The following CACNA1H variants were observed in gnomAD, a reference collection of about 807,000 sequenced individuals.
CACNA1H encodes calcium voltage-gated channel subunit alpha1 H, also known as voltage-dependent T-type calcium channel subunit alpha-1H.
In CACNA1H, 149 loss-of-function variants were observed where a neutral mutation model predicts 192.5. That is an observed-to-expected ratio of 0.77 (90% CI 0.68 to 0.89). The LOEUF (loss-of-function observed/expected upper bound fraction) is 0.89. Ranked by LOEUF, CACNA1H falls within the 40% of genes least tolerant of loss-of-function variation. The pLI is 0.00. For missense variants in CACNA1H, 4,257 were observed against 3,423.5 expected, an observed-to-expected ratio of 1.24 and a Z score of -6.08; for synonymous variants, 2,202 against 1,475.2, an observed-to-expected ratio of 1.49 and a Z score of -11.29.
intron 2 of CACNA1H, among the ~76,000 whole-genome samples, chr16:1,179,283 G>A (rs1454348580): frequency 6.6e-6 from 1 of 152,184 alleles, no homozygotes; most frequent in African/African-American, 2.4e-5. Flanking sequence ...TGGGTAGGGT[G>A]AGTTGGGGGT....
At chr16:1,200,849 G>T in intron 8 of CACNA1H, 41 bp downstream of exon 8, 2 of 1,458,564 alleles carry the variant, frequency 1.4e-6, no homozygotes, top group Middle Eastern at 1.7e-4. Flanking sequence ...GGGCCCTGGT[G>T]TTAGCTGGCT....
chr16:1,203,466 G>A (rs118020509), intron 9 of CACNA1H, among the ~76,000 whole-genome samples: 10,964 of 152,270 alleles, frequency 0.072, 549 homozygotes, highest in Middle Eastern at 0.14. Context: ...GCCCCAGTAC[G>A]TGAGCAGGAA....
chr16:1,207,173 G>A, intron 13 of CACNA1H, 55 bp downstream of exon 13: 1 of 1,549,438 alleles, frequency 6.5e-7, no homozygotes, highest in Non-Finnish European at 8.8e-7. Context: ...TCCCCAGAGA[G>A]GTGGAGGTGC....
Position 1,210,570 on chromosome 16 carries a change from C to G in CACNA1H, c.3970-13C>G, listed in dbSNP as rs550530096. The G allele has an allele frequency of 1.9e-6, 3 of 1,609,846 alleles. No individual in the cohort carries two copies. The highest frequency in any genetic ancestry group is 2.7e-5 in the African/African-American group (2 of 75,052). Reference sequence around the variant, plus strand: ...TGGAGTGGACACAGCCCCCCACCGTCCTCTCCCGGCAGGAGCGGGTCTTCC... The same window carrying G: ...TGGAGTGGACACAGCCCCCCACCGTGCTCTCCCGGCAGGAGCGGGTCTTCC... On this transcript the variant is annotated splice_polypyrimidine_tract_variant and intron_variant, in intron 19 of 34. Coordinates refer to ENST00000348261, the MANE Select transcript of CACNA1H (RefSeq NM_021098.3).
rs1304766813 is a variant in CACNA1H at position 1,195,442 on chromosome 16, C to T, written c.422C>T (p.Ala141Val). The T allele has an allele frequency of 7.1e-6, 11 of 1,555,190 alleles. No homozygotes were observed. The South Asian group carries it at 1.2e-4, about 17-fold the overall frequency. ...TGCCTCCTCCCGCAGGCCTTTGACGCCTTCATTTTCGCCTTTTTTGCGGTG... is the reference window on the plus strand; with the variant it reads ...TGCCTCCTCCCGCAGGCCTTTGACGTCTTCATTTTCGCCTTTTTTGCGGTG... ...ERCNILEAFDAFIFAFFAVEM... is the reference protein window; with the variant it reads ...ERCNILEAFDVFIFAFFAVEM... The change falls in exon 4 of 35, where the codon GCC becomes GTC. Residue 141 changes from alanine to valine, a missense_variant. Coordinates refer to ENST00000348261, the MANE Select transcript of CACNA1H (RefSeq NM_021098.3).
At chr16:1,205,938 G>T (rs1020397029) in intron 11 of CACNA1H, among the ~76,000 whole-genome samples, 166 bp from the exon 12 acceptor site, 3 of 152,214 alleles carry the variant, frequency 2.0e-5, no homozygotes, top group Non-Finnish European at 4.4e-5. Context: ...CTTTTGAGGT[G>T]CTTCCGCAGC....
At chr16:1,158,074 C>T (rs1055974111) in intron 2 of CACNA1H, 5 of 152,414 alleles carry the variant, frequency 3.3e-5, no homozygotes, top group Admixed American at 3.3e-4. Context: ...TCTCTGAAGC[C>T]ACCGACTGGC....
chr16:1,181,291 C>A (rs1465047416), intron 2 of CACNA1H, among the ~76,000 whole-genome samples: 1 of 152,260 alleles, frequency 6.6e-6, no homozygotes, highest in Non-Finnish European at 1.5e-5. Context: ...CATGGCCGGC[C>A]CCTCCACCTC....
chr16:1,197,781 C>A (rs568930968), intron 5 of CACNA1H, among the ~76,000 whole-genome samples: 1 of 152,306 alleles, frequency 6.6e-6, no homozygotes, highest in Non-Finnish European at 1.5e-5. Flanking sequence ...ACTCAGCGTC[C>A]CCAGGTTCCT....
At chr16:1,199,922 CTGTT>C (rs1029206428) in intron 6 of CACNA1H, among the ~76,000 whole-genome samples, 1 of 152,100 alleles carries the variant, frequency 6.6e-6, no homozygotes, top group African/African-American at 2.4e-5. Context: ...GTCTCCCTCC[CTGTT>C]TGTCTGTGCT....
chr16:1,167,618 T>C lies in CACNA1H; in HGVS notation c.299+13582T>C, dbSNP rs996730681. The stretch of plus-strand genomic sequence containing the variant: ...AATGGGGTTGCCGTGGCAACGCCTG[T>C]CACTAATCCCCAGCTGCTCCTGGTT... On this transcript the variant is annotated intron_variant, in intron 2 of 34. Transcript: ENST00000348261. This position sits in a 1 kb window ranked among gnomAD's most constrained non-coding sequence, Gnocchi z 4.2. Among the ~76,000 whole-genome samples, 7 of 152,194 alleles carry C rather than the reference T, an allele frequency of 4.6e-5. No individual in the cohort carries two copies. The highest frequency in any genetic ancestry group is 8.8e-5 in the Non-Finnish European group (6 of 68,022).
rs1385127432 is a variant in CACNA1H, at chr16:1,218,973, C to T, written c.5891C>T (p.Ser1964Phe). The T allele has an allele frequency of 3.2e-6, 5 of 1,550,106 alleles. 1 individual carries two copies. In the Admixed American group the frequency reaches 5.9e-5, roughly 18 times the overall value. Residue 1964 changes from serine to phenylalanine, a missense_variant, in exon 34 of 35, where the codon TCC becomes TTC. By Grantham distance (155) the Ser-to-Phe change is radical. Transcript: ENST00000348261. ...CTTAGATTCTTCCCTGCCCCAGGCT[C>T]CGTTGCCTCTGTGCACTCTCCGCCC... is the stretch of plus-strand genomic sequence containing the variant. Reference protein sequence around the residue: ...ETYGAGTPLGSVASVHSPPAE... With the variant: ...ETYGAGTPLGFVASVHSPPAE...
intron 3 of CACNA1H, 135 bp from the exon 4 acceptor site, chr16:1,195,297 C>G: frequency 1.2e-6 from 1 of 862,044 alleles, no homozygotes; most frequent in Non-Finnish European, 1.5e-6. Context: ...GGCTCAGTTC[C>G]TGGGGCTCAG....
intron 2 of CACNA1H, among the ~76,000 whole-genome samples, chr16:1,164,073 AGGCCGGCACAGGTGTGGG>A (rs1449787246): frequency 6.6e-6 from 1 of 152,150 alleles, no homozygotes; most frequent in African/African-American, 2.4e-5. Flanking sequence ...CCGGGTATGG[AGGCCGGCACAGGTGTGGG>A]GGCACTTTTG....
chr16:1,208,881 C>T (rs958677820), intron 16 of CACNA1H, 151 bp from the exon 17 acceptor site: 4 of 808,528 alleles, frequency 4.9e-6, no homozygotes, highest in Non-Finnish European at 7.1e-6. Flanking sequence ...GGCTCGGTGT[C>T]CCCCTAAAAT....
intron 2 of CACNA1H, among the ~76,000 whole-genome samples, chr16:1,184,629 A>G (rs117134922): frequency 0.028 from 4,275 of 152,294 alleles, 81 homozygotes; most frequent in Non-Finnish European, 0.044. Flanking sequence ...GGGTGCCAGG[A>G]GTTGTCACGT....
chr16:1,193,081 C>T (rs1367568919), intron 2 of CACNA1H, among the ~76,000 whole-genome samples: 1 of 152,138 alleles, frequency 6.6e-6, no homozygotes, highest in Admixed American at 6.5e-5. Context: ...GCCGTGGGGG[C>T]TCAGGTCAGG....
At chr16:1,162,492 G>A (rs1386677809) in intron 2 of CACNA1H, among the ~76,000 whole-genome samples, 2 of 152,206 alleles carry the variant, frequency 1.3e-5, no homozygotes, top group Non-Finnish European at 2.9e-5. Context: ...CTCCTCCGAT[G>A]AGGAGCAGCC....
In CACNA1H at chr16:1,220,922, G is replaced by C; in HGVS notation, c.6990G>C (p.Gln2330His). 6.2e-7 allele frequency: 1 copy of C among 1,611,434 alleles called. No homozygotes were observed. Among genetic ancestry groups the C allele is most frequent in the Non-Finnish European group, 8.5e-7 (1 of 1,179,084 alleles). The stretch of plus-strand genomic sequence containing the variant: ...GGGGGCTGTACCTCACAGTCCCCCA[G>C]TGTCCTCTGGAGAAACCAGGGTCCC... ...KRRGLYLTVP[Q>H]CPLEKPGSPS... Residue 2330 changes from glutamine to histidine, a missense_variant, in exon 35 of 35, where the codon CAG (glutamine) becomes CAC (histidine). Gln to His is a conservative substitution (Grantham distance 24). Coordinates refer to ENST00000348261, the MANE Select transcript of CACNA1H (RefSeq NM_021098.3).
Sources: allele counts gnomAD v4.1 joint callset (sites outside exome capture counted in the v4.1 genomes callset), GRCh38; gene constraint gnomAD v4.1.1; non-coding constraint Gnocchi (gnomAD v3.1); transcripts MANE v1.5; gene names NCBI Gene and HGNC (gene_info 2026-07-23, HGNC 2026-07-21).